Variants in TMEM178B observed in about 807,000 individuals in gnomAD.
TMEM178B encodes the protein transmembrane protein 178B.
Under a neutral mutation model 31.0 loss-of-function variants are expected in TMEM178B, and 5 were observed. The observed-to-expected ratio is 0.16, with a 90% CI of 0.08 to 0.34. The LOEUF (loss-of-function observed/expected upper bound fraction) is 0.34, where lower values mean the gene tolerates loss of function less well. TMEM178B is among the 10% of genes least tolerant of loss of function. TMEM178B has a pLI of 1.00. For synonymous variants in TMEM178B, 164 were observed against 164.0 expected, an observed-to-expected ratio of 1.00 and a Z score of 0.00; for missense variants, 275 against 400.3, an observed-to-expected ratio of 0.69 and a Z score of 2.67.
chr7:141,183,836 T>C (rs1460993545), intron 1 of TMEM178B, among the ~76,000 whole-genome samples: 2 of 152,210 alleles, frequency 1.3e-5, no homozygotes, highest in African/African-American at 2.4e-5. Flanking sequence ...AGCTGAGGAA[T>C]GTGGGTTTAT....
intron 1 of TMEM178B, among the ~76,000 whole-genome samples, chr7:141,108,282 T>C (rs561036338): frequency 1.5e-3 from 223 of 152,332 alleles, no homozygotes; most frequent in African/African-American, 5.0e-3. Flanking sequence ...CATATTTGAA[T>C]GATAATGGCA....
intron 1 of TMEM178B, among the ~76,000 whole-genome samples, chr7:141,076,498 AAG>A (rs1019961627): frequency 2.6e-5 from 4 of 152,262 alleles, no homozygotes; most frequent in African/African-American, 9.6e-5. Context: ...CACTTAGAGA[AAG>A]GGGGATGGAA....
chr7:141,462,090 C>A (rs1210216837), intron 3 of TMEM178B, among the ~76,000 whole-genome samples: 1 of 152,172 alleles, frequency 6.6e-6, no homozygotes, highest in Non-Finnish European at 1.5e-5. Flanking sequence ...ACAACACTAC[C>A]TATTGGCCCC....
intron 2 of TMEM178B, among the ~76,000 whole-genome samples, chr7:141,238,781 C>T (rs1797569723): frequency 6.6e-6 from 1 of 152,194 alleles, no homozygotes; most frequent in African/African-American, 2.4e-5. Flanking sequence ...TTCCCTGTGA[C>T]CAACAGCGAG....
chr7:141,500,116 G>A, the TMEM178B span, among the ~76,000 whole-genome samples: 5 of 152,162 alleles, frequency 3.3e-5, no homozygotes, highest in South Asian at 4.2e-4. Flanking sequence ...GAATGATAAC[G>A]ATAACACATT....
At chr7:141,499,511 T>C in the TMEM178B span, among the ~76,000 whole-genome samples, 1 of 148,596 alleles carries the variant, frequency 6.7e-6, no homozygotes, top group South Asian at 2.1e-4. Flanking sequence ...TTGTGGTGCA[T>C]GCCTGTAGTC....
intron 2 of TMEM178B, among the ~76,000 whole-genome samples, chr7:141,405,666 T>C (rs932234273): frequency 8.5e-5 from 13 of 152,228 alleles, no homozygotes; most frequent in African/African-American, 3.1e-4. Context: ...CACCAGGTTG[T>C]GCACCTGTTC....
At position 141,074,116 on chromosome 7, in the gene TMEM178B, T is replaced by C; in HGVS notation, c.-195T>C. ...CGCGGGAGCCTCTCCGGATCAGAACTTTTTAGGCCGCCCGCCCCCATCCCC... is the reference window on the plus strand; with the variant it reads ...CGCGGGAGCCTCTCCGGATCAGAACCTTTTAGGCCGCCCGCCCCCATCCCC... On this transcript the variant is annotated 5_prime_UTR_variant, in exon 1 of 4. Transcript: ENST00000565468. The surrounding 1 kb of genome is among the most constrained non-coding windows in gnomAD (Gnocchi z 5.1). 2.6e-6 allele frequency: 2 copies of C among 780,906 alleles called. No individual in the cohort carries two copies. Among genetic ancestry groups the C allele is most frequent in the Non-Finnish European group, 3.6e-6 (2 of 548,936 alleles). The allele number at this position is 780,906 out of a possible 1,614,324, so 48.4% of individuals were successfully genotyped here.
At chr7:141,095,078 G>A (rs1277295995) in intron 1 of TMEM178B, among the ~76,000 whole-genome samples, 1 of 152,118 alleles carries the variant, frequency 6.6e-6, no homozygotes, top group Non-Finnish European at 1.5e-5. Context: ...AAAATTATTG[G>A]CCACATTTAT....
Position 141,338,513 on chromosome 7 carries a change from A to G in TMEM178B, c.497-99095A>G, listed in dbSNP as rs143160038. 5.5e-4 allele frequency among the ~76,000 whole-genome samples: 84 copies of G among 152,282 alleles called. No individual in the cohort carries two copies. In the East Asian group the frequency reaches 0.015, roughly 28 times the overall value. The stretch of plus-strand genomic sequence containing the variant: ...CTAGAGTGCCTGCCCTCTATTTGAT[A>G]TTGGATGGGGATGGGAGAAAGGCAG... On this transcript the variant is annotated intron_variant, in intron 2 of 3. Coordinates refer to ENST00000565468, the MANE Select transcript of TMEM178B (RefSeq NM_001195278.2).
intron 1 of TMEM178B, among the ~76,000 whole-genome samples, chr7:141,129,463 T>G (rs975736025): frequency 1.3e-5 from 2 of 152,198 alleles, no homozygotes; most frequent in Admixed American, 1.3e-4. Context: ...TACACACCCA[T>G]GTCACCAGCA....
intron 2 of TMEM178B, among the ~76,000 whole-genome samples, chr7:141,249,708 C>T (rs186393420): frequency 1.3e-5 from 2 of 152,260 alleles, no homozygotes; most frequent in African/African-American, 4.8e-5. Flanking sequence ...AAGGAGGCTT[C>T]CTTCCACTTG....
chr7:141,091,475 C>T (rs1794879168), intron 1 of TMEM178B, among the ~76,000 whole-genome samples: 1 of 152,150 alleles, frequency 6.6e-6, no homozygotes, highest in Non-Finnish European at 1.5e-5. Flanking sequence ...TTGTGCTCCT[C>T]TGCCAGCAGC....
intron 1 of TMEM178B, among the ~76,000 whole-genome samples, chr7:141,100,956 A>G (rs1795046419): frequency 6.6e-6 from 1 of 152,234 alleles, no homozygotes; most frequent in African/African-American, 2.4e-5. Flanking sequence ...TGTTCTGTAA[A>G]GAAACAGATG....
intron 1 of TMEM178B, among the ~76,000 whole-genome samples, chr7:141,108,599 A>G (rs1404444552): frequency 6.6e-6 from 1 of 152,156 alleles, no homozygotes; most frequent in Non-Finnish European, 1.5e-5. Flanking sequence ...GGAGGGGCGA[A>G]GAGGAAGGAA....
intron 1 of TMEM178B, among the ~76,000 whole-genome samples, chr7:141,191,121 C>T (rs528483656): frequency 1.5e-4 from 23 of 152,274 alleles, no homozygotes; most frequent in Non-Finnish European, 2.5e-4. Context: ...TAAGTAAGAA[C>T]TTATCGTATA....
chr7:141,085,584 A>T (rs1171222603), intron 1 of TMEM178B, among the ~76,000 whole-genome samples: 1 of 151,874 alleles, frequency 6.6e-6, no homozygotes, highest in African/African-American at 2.4e-5. Context: ...GCTGTTCTAT[A>T]TTCTGGAGCT....
In TMEM178B at chr7:141,147,613, G is replaced by A. The variant is rs563667030; in HGVS notation, c.383-64978G>A. On this transcript the variant is annotated intron_variant, in intron 1 of 3. Coordinates refer to ENST00000565468, the MANE Select transcript of TMEM178B (RefSeq NM_001195278.2). ...GGGGTGAGCATATGCAATCTAAAGA[G>A]CAGGACTTGGAGATTAATTGCACAT... Among the ~76,000 whole-genome samples the A allele has an allele frequency of 2.6e-5, 4 of 152,276 alleles. No homozygotes were observed. In the East Asian group the frequency reaches 7.7e-4, roughly 29 times the overall value.
chr7:141,356,479 G>T (rs562190672), intron 2 of TMEM178B, among the ~76,000 whole-genome samples: 137 of 152,068 alleles, frequency 9.0e-4, no homozygotes, highest in Middle Eastern at 3.4e-3. Flanking sequence ...TAGCAGTGTG[G>T]AGCATTTTTT....
Sources: gnomAD v4.1 joint callset for allele counts (sites outside exome capture counted in the v4.1 genomes callset) on GRCh38, gnomAD v4.1.1 for gene constraint, Gnocchi (gnomAD v3.1) non-coding constraint, MANE v1.5 for transcripts, NCBI Gene and HGNC (gene_info 2026-07-23, HGNC 2026-07-21) for gene names.